The following ZNF639 variants were observed in gnomAD, a reference collection of about 807,000 sequenced individuals.
The protein encoded by ZNF639 is zinc finger protein 639, also known as zinc finger amplified in esophageal squamous cell carcinomas 1.
A neutral mutation model predicts 39.8 loss-of-function variants in ZNF639; 20 were observed. The observed-to-expected ratio is 0.50, with a 90% CI of 0.35 to 0.73. The LOEUF (loss-of-function observed/expected upper bound fraction) is 0.73, where lower values mean the gene tolerates loss of function less well. Ranked by LOEUF, ZNF639 falls within the 30% of genes least tolerant of loss-of-function variation. ZNF639 has a pLI of 0.00. For missense variants in ZNF639, 477 were observed against 566.2 expected (o/e 0.84, Z 1.60); for synonymous variants, 176 against 189.8 (o/e 0.93, Z 0.60).
chr3:179,331,729 C>T (rs994813661), intron 4 of ZNF639, among the ~76,000 whole-genome samples: 5 of 144,534 alleles, frequency 3.5e-5, no homozygotes, highest in Non-Finnish European at 6.0e-5. Context: ...GAGCCGAGAT[C>T]GCGCCATTGC....
chr3:179,334,938 TAAA>T lies in ZNF639; in HGVS notation c.*523_*525del. 1 of 152,018 alleles carries T rather than the reference TAAA, an allele frequency of 6.6e-6. No homozygotes were observed. Among genetic ancestry groups the T allele is most frequent in the East Asian group, 1.9e-4 (1 of 5,174 alleles). 9.4% of individuals were successfully genotyped at this position (152,018 alleles called of 1,614,324 possible). On this transcript the variant is annotated 3_prime_UTR_variant, in exon 6 of 6. Transcript: ENST00000496856. ...TGGTTTTCATGGCAGTCTGTTTTTT[TAAA>T]AAAAAATTTTTGAGCCACTATCTAT...
intron 4 of ZNF639, among the ~76,000 whole-genome samples, chr3:179,331,194 A>G (rs1360440011): frequency 6.6e-6 from 1 of 152,234 alleles, no homozygotes; most frequent in Non-Finnish European, 1.5e-5. Flanking sequence ...AGAGCTCCCA[A>G]CAGCCAAAAC....
chr3:179,323,020 G>C (rs1039616749), upstream of ZNF639: 67 of 985,104 alleles, frequency 6.8e-5, no homozygotes, highest in African/African-American at 1.0e-4. Context: ...CCGCCCTCTC[G>C]GCGGGCCCCT....
Position 179,323,190 on chromosome 3 carries a change from C to T in ZNF639, c.-184C>T. The T allele has an allele frequency of 2.0e-6, 2 of 984,788 alleles. No individual in the cohort carries two copies. The highest frequency in any genetic ancestry group is 1.2e-6 in the Non-Finnish European group (1 of 829,782). The allele number at this position is 984,788 out of a possible 1,614,324, so 61.0% of individuals were successfully genotyped here. ...CTAGGGCCGGAGCAGCGCTGCCCGC[C>T]GCCGTGCGTCCGCGGGAAGGACCGC... On this transcript the variant is annotated 5_prime_UTR_variant, in exon 1 of 6. Transcript: ENST00000496856.
At chr3:179,327,010 T>C (rs1235833278) in intron 1 of ZNF639, among the ~76,000 whole-genome samples, 1 of 151,558 alleles carries the variant, frequency 6.6e-6, no homozygotes, top group African/African-American at 2.4e-5. Context: ...GCCAACATGG[T>C]GAAACCCCGT....
At position 179,333,698 on chromosome 3, in the gene ZNF639, A is replaced by G. The variant is rs761460776; in HGVS notation, c.734A>G (p.Asn245Ser). 1.2e-6 allele frequency: 2 copies of G among 1,614,182 alleles called. No homozygotes were observed. The highest frequency in any genetic ancestry group is 2.2e-5 in the East Asian group (1 of 44,886). The change falls in exon 6 of 6, where the codon AAT becomes AGT. Residue 245 changes from asparagine to serine, a missense_variant. Physicochemically the swap from Asn to Ser is conservative, Grantham distance 46. Coordinates refer to ENST00000496856, the MANE Select transcript of ZNF639 (RefSeq NM_001303426.2). ...GTATGCAAGGAAAGTTTCTCTACCA[A>G]TATGCTTCTGATAGAACATGCCAAA... is the stretch of plus-strand genomic sequence containing the variant. Reference protein sequence around the residue: ...CRVCKESFSTNMLLIEHAKLH... With the variant: ...CRVCKESFSTSMLLIEHAKLH...
intron 1 of ZNF639, among the ~76,000 whole-genome samples, chr3:179,325,753 C>T (rs1576986694): frequency 6.6e-6 from 1 of 151,878 alleles, no homozygotes; most frequent in Non-Finnish European, 1.5e-5. Flanking sequence ...ATTAGCCGGG[C>T]GCCTGTTGTC....
In ZNF639 at chr3:179,338,483, AT is replaced by A. The variant is rs1433442499; in HGVS notation, c.*4064del. ...TCTCTGAATTGTATATTATTTGTCAATTTCACAGTTTCTATAATCTATTGTT... is the reference window on the plus strand; with the variant it reads ...TCTCTGAATTGTATATTATTTGTCAATTCACAGTTTCTATAATCTATTGTT... On this transcript the variant is annotated 3_prime_UTR_variant, in exon 6 of 6. Coordinates refer to ENST00000496856, the MANE Select transcript of ZNF639 (RefSeq NM_001303426.2). 1 of 152,028 alleles carries A rather than the reference AT, an allele frequency of 6.6e-6. No homozygotes were observed. Among genetic ancestry groups the A allele is most frequent in the Non-Finnish European group, 1.5e-5 (1 of 68,020 alleles). The allele number at this position is 152,028 out of a possible 1,614,324, so 9.4% of individuals were successfully genotyped here.
chr3:179,323,855 A>AC, intron 1 of ZNF639: 1 of 150,164 alleles, frequency 6.7e-6, no homozygotes, highest in South Asian at 2.1e-4. Context: ...GTGCTTAGAA[A>AC]CCCCCTTTTT....
upstream of ZNF639, chr3:179,322,994 T>G: frequency 1.0e-6 from 1 of 984,918 alleles, no homozygotes; most frequent in Non-Finnish European, 1.2e-6. Context: ...TGCCCCCACC[T>G]CACCTCGTCA....
intron 1 of ZNF639, chr3:179,324,896 G>A (rs531943856): frequency 1.2e-4 from 18 of 152,356 alleles, no homozygotes; most frequent in Non-Finnish European, 1.5e-4. Context: ...GAAGTGTGAA[G>A]CTTTGGGCTA....
intron 4 of ZNF639, among the ~76,000 whole-genome samples, chr3:179,331,239 G>C (rs890208702): frequency 2.0e-4 from 31 of 152,176 alleles, no homozygotes; most frequent in African/African-American, 7.0e-4. Context: ...TTATAACCCA[G>C]AGTATAAAAT....
chr3:179,325,052 A>C (rs1289418829), intron 1 of ZNF639: 1 of 151,100 alleles, frequency 6.6e-6, no homozygotes, highest in Non-Finnish European at 1.5e-5. Flanking sequence ...ACAGAGTTTC[A>C]CTCCTGTTAC....
intron 1 of ZNF639, among the ~76,000 whole-genome samples, chr3:179,325,755 C>G (rs1727552611): frequency 6.6e-6 from 1 of 151,962 alleles, no homozygotes. Flanking sequence ...TAGCCGGGCG[C>G]CTGTTGTCCC....
intron 4 of ZNF639, 56 bp from the exon 5 acceptor site, chr3:179,332,933 T>C (rs12491673): frequency 0.067 from 99,521 of 1,481,944 alleles, 4,614 homozygotes; most frequent in Admixed American, 0.16. Context: ...CTTTGTTCTA[T>C]AATTAATGCT....
intron 1 of ZNF639, among the ~76,000 whole-genome samples, chr3:179,325,584 G>A (rs758464373): frequency 6.6e-6 from 1 of 152,166 alleles, no homozygotes; most frequent in African/African-American, 2.4e-5. Flanking sequence ...TAGAATAAGG[G>A]TTAGGAAAAT....
chr3:179,337,796 C>G lies in ZNF639; in HGVS notation c.*3374C>G, dbSNP rs548966112. ...ATTTATTTATTTTTTGAGATGGAGC[C>G]TTGCTCTGTCGCCCAGACTGGAATG... On this transcript the variant is annotated 3_prime_UTR_variant, in exon 6 of 6. Coordinates refer to ENST00000496856, the MANE Select transcript of ZNF639 (RefSeq NM_001303426.2). 4 of 152,204 alleles carry G rather than the reference C, an allele frequency of 2.6e-5. No individual in the cohort carries two copies. In the South Asian group the frequency reaches 6.2e-4, roughly 24 times the overall value. 9.4% of individuals were successfully genotyped at this position (152,204 alleles called of 1,614,324 possible). A position where few individuals can be genotyped will look rare whatever the true frequency, so the allele number is the denominator to read the frequency against.
Position 179,333,843 on chromosome 3 carries a change from G to A in ZNF639, c.879G>A (p.Gln293=), listed in dbSNP as rs1728063155. Residue 293 remains glutamine (Q), a synonymous_variant, in exon 6 of 6, where the codon CAG becomes CAA. Transcript: ENST00000496856. The stretch of plus-strand genomic sequence containing the variant: ...GTGATCACCTCTATTGGTGTGAACA[G>A]TGTGATGTACAGTTCTCCTCAAGCA... ...HFSDHLYWCE[Q]CDVQFSSSSE... The A allele has an allele frequency of 6.2e-7, 1 of 1,614,080 alleles. No homozygotes were observed. Among genetic ancestry groups the A allele is most frequent in the Non-Finnish European group, 8.5e-7 (1 of 1,180,040 alleles).
upstream of ZNF639, chr3:179,322,993 C>T: frequency 9.1e-6 from 9 of 985,290 alleles, no homozygotes; most frequent in Non-Finnish European, 1.1e-5. Flanking sequence ...CTGCCCCCAC[C>T]TCACCTCGTC....
Sources: allele counts gnomAD v4.1 joint callset (sites outside exome capture counted in the v4.1 genomes callset), GRCh38; gene constraint gnomAD v4.1.1; transcripts MANE v1.5; gene names NCBI Gene and HGNC (gene_info 2026-07-23, HGNC 2026-07-21).